The following PRKD3 variants were observed in gnomAD, a reference collection of about 807,000 sequenced individuals.
The protein encoded by PRKD3 is serine/threonine-protein kinase D3.
A neutral mutation model predicts 99.2 loss-of-function variants in PRKD3; 47 were observed. The observed-to-expected ratio is 0.47, with a 90% confidence interval of 0.38 to 0.60. The LOEUF (loss-of-function observed/expected upper bound fraction) is 0.60. Among genes scored for constraint, PRKD3 ranks in the 20% least tolerant of loss-of-function variants. PRKD3 has a pLI of 0.00. For missense variants in PRKD3, 1,019 were observed against 1,088.4 expected (o/e 0.94, Z 0.90); for synonymous variants, 392 against 355.4 (o/e 1.10, Z -1.16).
chr2:37,250,773 CAA>C lies in PRKD3; in HGVS notation c.*2402_*2403del. The C allele has an allele frequency of 6.6e-6, 1 of 152,228 alleles. No individual in the cohort carries two copies. The highest frequency in any genetic ancestry group is 1.9e-4 in the East Asian group (1 of 5,176). 9.4% of individuals were successfully genotyped at this position (152,228 alleles called of 1,614,324 possible). A position where few individuals can be genotyped will look rare whatever the true frequency, so the allele number is the denominator to read the frequency against. ...ATATTTACAAAAAGTTGGATATAAC[CAA>C]AAAAATATTAAAAATGTACTGAACA... On this transcript the variant is annotated 3_prime_UTR_variant, in exon 19 of 19. Transcript: ENST00000234179.
At position 37,256,947 on chromosome 2, in the gene PRKD3, A is replaced by G. The variant is rs1415588878; in HGVS notation, c.2146-18T>C. On this transcript the variant is annotated intron_variant, in intron 16 of 18. Transcript: ENST00000234179. ...AGCTTCACCTGGAAATTGAAGGATG[A>G]TGTTAATTTTGTATTATAGTGTTAT... 6.2e-7 allele frequency: 1 copy of G among 1,613,492 alleles called. No homozygotes were observed. The highest frequency in any genetic ancestry group is 1.1e-5 in the South Asian group (1 of 91,070).
chr2:37,279,720 T>G, intron 8 of PRKD3, 26 bp downstream of exon 8: 1 of 1,550,122 alleles, frequency 6.5e-7, no homozygotes, highest in Non-Finnish European at 8.7e-7. Context: ...CATCTGGAAG[T>G]AGCTTGTAAT....
rs1669329279 is a variant in PRKD3, at chr2:37,272,421, T to C, written c.1663A>G (p.Thr555Ala). ...GQGKDHKDLS[T>A]SISVSNCQIQ... ...TGACAATTAGATACAGAGATACTTG[T>C]AGACAAATCTTCTGTAAAATATAAA... Residue 555 changes from threonine (T) to alanine (A), a missense_variant, in exon 12 of 19, where the codon ACA becomes GCA. By Grantham distance (58) the Thr-to-Ala change is moderately conservative (BLOSUM62 0). Around this residue, in one of 3 missense-constraint regions of PRKD3, gnomAD observed 710 missense variants for 692.7 expected, o/e 1.02. Coordinates refer to ENST00000234179, the MANE Select transcript of PRKD3 (RefSeq NM_005813.6). 2 of 1,605,638 alleles carry C rather than the reference T, an allele frequency of 1.2e-6. No individual in the cohort carries two copies. Among genetic ancestry groups the C allele is most frequent in the Admixed American group, 1.7e-5 (1 of 57,826 alleles).
At chr2:37,324,387 C>A (rs990491797) in intron 1 of PRKD3, 1 of 201,064 alleles carries the variant, frequency 5.0e-6, no homozygotes, top group East Asian at 1.9e-4. Flanking sequence ...CGCGCGGACG[C>A]CGGAACTTGG....
At chr2:37,286,414 CAG>C (rs1285140858) in intron 5 of PRKD3, 45 bp from the exon 6 acceptor site, 3 of 1,522,826 alleles carry the variant, frequency 2.0e-6, no homozygotes, top group East Asian at 2.3e-5. Flanking sequence ...ATATTAAAAA[CAG>C]AGTAGTGGGA....
At chr2:37,308,986 C>A (rs1040164543) in intron 2 of PRKD3, among the ~76,000 whole-genome samples, 1 of 151,812 alleles carries the variant, frequency 6.6e-6, no homozygotes, top group Admixed American at 6.6e-5. Flanking sequence ...TAAATTAATG[C>A]TCTTGACTAT....
At chr2:37,312,203 G>A (rs1671456662) in intron 2 of PRKD3, among the ~76,000 whole-genome samples, 1 of 151,834 alleles carries the variant, frequency 6.6e-6, no homozygotes, top group Non-Finnish European at 1.5e-5. Context: ...AGATTTTGTT[G>A]GGAAAAAATA....
chr2:37,289,263 G>T, intron 5 of PRKD3, 93 bp downstream of exon 5: 1 of 1,367,934 alleles, frequency 7.3e-7, no homozygotes, highest in Non-Finnish European at 1.0e-6. Flanking sequence ...CCATTCTTTA[G>T]CATATAAATT....
At chr2:37,270,672 G>A (rs940928316) in intron 12 of PRKD3, among the ~76,000 whole-genome samples, 1 of 152,184 alleles carries the variant, frequency 6.6e-6, no homozygotes, top group African/African-American at 2.4e-5. Flanking sequence ...TGCAGCAAAA[G>A]CCAGTGAATA....
chr2:37,304,528 G>A (rs1055527404), intron 2 of PRKD3, among the ~76,000 whole-genome samples: 1 of 152,020 alleles, frequency 6.6e-6, no homozygotes, highest in African/African-American at 2.4e-5. Context: ...ATCGCCTGAG[G>A]ACAGGAGTTT....
intron 3 of PRKD3, among the ~76,000 whole-genome samples, chr2:37,291,638 G>A (rs1670429074): frequency 1.3e-5 from 2 of 152,170 alleles, no homozygotes; most frequent in South Asian, 4.1e-4. Context: ...GGCAAGGATT[G>A]GGAAATATAG....
At chr2:37,272,555 C>A (rs991210427) in intron 11 of PRKD3, 123 bp from the exon 12 acceptor site, 1 of 1,252,016 alleles carries the variant, frequency 8.0e-7, no homozygotes, top group Non-Finnish European at 1.1e-6. Context: ...CAATTATGTA[C>A]ATTAACAAAA....
At position 37,314,028 on chromosome 2, in the gene PRKD3, A is replaced by T. The variant is rs868378827; in HGVS notation, c.288+2209T>A. Reference sequence around the variant, plus strand: ...TGCAAATAATAAGAGAGCGCCAAAAAATCAAAGAAAAGAACTGATAAAACT... The same window carrying T: ...TGCAAATAATAAGAGAGCGCCAAAATATCAAAGAAAAGAACTGATAAAACT... On this transcript the variant is annotated intron_variant, in intron 2 of 18. Transcript: ENST00000234179. 2.0e-5 allele frequency among the ~76,000 whole-genome samples: 3 copies of T among 152,224 alleles called. 1 individual carries two copies. Among genetic ancestry groups the T allele is most frequent in the African/African-American group, 4.8e-5 (2 of 41,470 alleles).
chr2:37,255,054 A>G (rs926255212), intron 17 of PRKD3, among the ~76,000 whole-genome samples: 1 of 152,236 alleles, frequency 6.6e-6, no homozygotes, highest in Non-Finnish European at 1.5e-5. Flanking sequence ...AAAGACTTGT[A>G]CCATCCTAGT....
intron 5 of PRKD3, among the ~76,000 whole-genome samples, chr2:37,287,375 CCTT>C (rs534866279): frequency 9.6e-4 from 145 of 151,662 alleles, no homozygotes; most frequent in African/African-American, 3.4e-3. Context: ...CCTTTTCTTC[CCTT>C]TTTTTTCTTT....
rs139159885 is a variant in PRKD3, at chr2:37,252,822, A to AAAACAAAC, written c.*347_*354dup. 1.4e-5 allele frequency: 2 copies of AAAACAAAC among 140,536 alleles called. No individual in the cohort carries two copies. The highest frequency in any genetic ancestry group is 5.1e-5 in the African/African-American group (2 of 39,412). The allele number at this position is 140,536 out of a possible 1,614,324, so 8.7% of individuals were successfully genotyped here. On this transcript the variant is annotated 3_prime_UTR_variant, in exon 19 of 19. Coordinates refer to ENST00000234179, the MANE Select transcript of PRKD3 (RefSeq NM_005813.6). ...CTAGCTTGACTTGTTTTTCATTAAAAAAACAAACAAACATATATTTATATT... is the reference window on the plus strand; with the variant it reads ...CTAGCTTGACTTGTTTTTCATTAAAAAAACAAACAAACAAACAAACATATATTTATATT...
chr2:37,288,352 A>C (rs564243500), intron 5 of PRKD3, among the ~76,000 whole-genome samples: 2 of 152,308 alleles, frequency 1.3e-5, no homozygotes, highest in East Asian at 1.9e-4. Context: ...TTATCCTTTA[A>C]AAATCTCACA....
intron 17 of PRKD3, among the ~76,000 whole-genome samples, chr2:37,255,670 C>G (rs1296584916): frequency 6.6e-6 from 1 of 152,078 alleles, no homozygotes; most frequent in Non-Finnish European, 1.5e-5. Flanking sequence ...CAGTCTTGTT[C>G]TGAAGATTAG....
intron 2 of PRKD3, among the ~76,000 whole-genome samples, chr2:37,312,656 A>C (rs1671486122): frequency 6.6e-6 from 1 of 152,222 alleles, no homozygotes; most frequent in Admixed American, 6.5e-5. Flanking sequence ...AAAGTTTATG[A>C]TGTCCCTTAT....
Sources: allele counts gnomAD v4.1 joint callset (sites outside exome capture counted in the v4.1 genomes callset), GRCh38; gene constraint gnomAD v4.1.1; regional missense constraint gnomAD v4.1.1; transcripts MANE v1.5; gene names NCBI Gene and HGNC (gene_info 2026-07-23, HGNC 2026-07-21).